Variants in MAP7D2 observed in about 807,000 individuals in gnomAD.
The protein encoded by MAP7D2 is MAP7 domain-containing protein 2.
MAP7D2 carries 33 observed loss-of-function variants against 63.5 expected under a neutral mutation model. The ratio of observed to expected loss-of-function variants is 0.52; its 90% confidence interval spans 0.39 to 0.70. The LOEUF (loss-of-function observed/expected upper bound fraction) is 0.70. MAP7D2 is among the 30% of genes least tolerant of loss of function. The probability of loss-of-function intolerance (pLI) is 0.00; values close to 1 mark genes in which losing one functional copy is unlikely to be tolerated. For missense variants in MAP7D2, 626 were observed against 604.0 expected (o/e 1.04, Z -0.38); for synonymous variants, 224 against 223.7 (o/e 1.00, Z -0.01).
chrX:20,014,334 G>C (rs1042879412), intron 12 of MAP7D2, among the ~76,000 whole-genome samples: 1 of 112,245 alleles, frequency 8.9e-6, no homozygotes, highest in Non-Finnish European at 1.9e-5. Flanking sequence ...TTGGAAGGCC[G>C]AGGCAGGAGG....
rs1332097040 is a variant in MAP7D2 at position 20,047,491 on chromosome X, G to A, written c.719-2967C>T. ...TAAAAAGATTCATACAGCAACTGAT[G>A]GAGGAGGCCACCTGGCTGCCTCAAA... On this transcript the variant is annotated intron_variant, in intron 6 of 16. Transcript: ENST00000379643. Among the ~76,000 whole-genome samples the A allele has an allele frequency of 2.7e-5, 3 of 110,837 alleles. No homozygotes were observed. In the Admixed American group the frequency reaches 2.9e-4, roughly 11 times the overall value.
intron 1 of MAP7D2, among the ~76,000 whole-genome samples, chrX:20,116,023 T>A (rs2066882450): frequency 8.9e-6 from 1 of 112,734 alleles, no homozygotes; most frequent in Admixed American, 9.3e-5. Flanking sequence ...GTCCTCACAG[T>A]CTCCTCCGCT....
chrX:20,027,678 G>A (rs1325857736), intron 8 of MAP7D2, among the ~76,000 whole-genome samples: 12 of 108,442 alleles, frequency 1.1e-4, no homozygotes, highest in Admixed American at 9.0e-4. Context: ...GGGGTAGGGC[G>A]GGGAGGGAGA....
At chrX:20,082,652 G>A (rs770381593) in intron 1 of MAP7D2, among the ~76,000 whole-genome samples, 7 of 111,634 alleles carry the variant, frequency 6.3e-5, no homozygotes, top group Non-Finnish European at 1.3e-4. Flanking sequence ...TTTTTGAGAC[G>A]GAGTCTCGCA....
At chrX:20,103,469 T>A (rs1387804405) in intron 1 of MAP7D2, among the ~76,000 whole-genome samples, 2 of 111,305 alleles carry the variant, frequency 1.8e-5, no homozygotes, top group African/African-American at 6.5e-5. Flanking sequence ...CTGTTCTTGG[T>A]GGCCTACCAG....
intron 1 of MAP7D2, chrX:20,116,452 C>G (rs1449948545): frequency 1.9e-6 from 1 of 525,433 alleles, no homozygotes; most frequent in Non-Finnish European, 2.4e-6. Context: ...GGACTGGACC[C>G]GCAGCACCCC....
intron 1 of MAP7D2, among the ~76,000 whole-genome samples, chrX:20,090,842 C>T (rs1046525174): frequency 5.4e-5 from 6 of 110,774 alleles, no homozygotes; most frequent in East Asian, 5.7e-4. Context: ...CATGGTGGCA[C>T]GTGACTATGG....
intron 10 of MAP7D2, among the ~76,000 whole-genome samples, chrX:20,023,631 C>T (rs190761096): frequency 2.7e-5 from 3 of 112,140 alleles, no homozygotes; most frequent in Non-Finnish European, 3.8e-5. Flanking sequence ...GAGATACAGA[C>T]GGTGGTAGCT....
At chrX:20,056,826 T>C (rs1169521859) in intron 3 of MAP7D2, 35 bp from the exon 4 acceptor site, 1 of 1,145,025 alleles carries the variant, frequency 8.7e-7, no homozygotes, top group Admixed American at 2.2e-5. Context: ...GTTAACAAGA[T>C]TAACTACCCA....
chrX:20,062,317 A>T (rs1339017045), intron 3 of MAP7D2, among the ~76,000 whole-genome samples: 1 of 111,418 alleles, frequency 9.0e-6, no homozygotes, highest in Non-Finnish European at 1.9e-5. Context: ...TTGAACTGGG[A>T]GCAGATGAAG....
intron 10 of MAP7D2, among the ~76,000 whole-genome samples, chrX:20,023,081 G>C (rs2073711892): frequency 8.9e-6 from 1 of 112,449 alleles, no homozygotes; most frequent in African/African-American, 3.2e-5. Context: ...GGAGTCATCA[G>C]TACACATGTG....
chrX:20,054,594 C>CT (rs1351535734), intron 4 of MAP7D2, among the ~76,000 whole-genome samples: 16 of 108,644 alleles, frequency 1.5e-4, no homozygotes, highest in South Asian at 4.0e-4. Flanking sequence ...TTTCTTTTTT[C>CT]TTTTTTTTTC....
At position 20,025,911 on chromosome X, in the gene MAP7D2, T is replaced by G; in HGVS notation, c.1049A>C (p.Lys350Thr). The change falls in exon 9 of 17, where the codon AAA (lysine) becomes ACA (threonine). Residue 350 changes from lysine (K) to threonine (T), a missense_variant. Transcript: ENST00000379643. ...CACAGGAGACCCTGGGTAGGGAGGT[T>G]TCGTTGTCTTTGGAGACTGTGGATA... ...KAYPQSPKTT[K>T]PPYPGSPVKY... 4 of 1,211,254 alleles carry G rather than the reference T, an allele frequency of 3.3e-6. No individual in the cohort carries two copies. Among genetic ancestry groups the G allele is most frequent in the Non-Finnish European group, 4.5e-6 (4 of 895,390 alleles).
In MAP7D2 at chrX:20,007,993, T is replaced by C. The variant is rs979513706; in HGVS notation, c.*432A>G. 3.6e-5 allele frequency: 4 copies of C among 112,031 alleles called. No homozygotes were observed. Among genetic ancestry groups the C allele is most frequent in the Non-Finnish European group, 7.5e-5 (4 of 53,239 alleles). 9.2% of individuals were successfully genotyped at this position (112,031 alleles called of 1,213,427 possible). A position where few individuals can be genotyped will look rare whatever the true frequency, so the allele number is the denominator to read the frequency against. On this transcript the variant is annotated 3_prime_UTR_variant, in exon 17 of 17. Coordinates refer to ENST00000379643, the MANE Select transcript of MAP7D2 (RefSeq NM_001168465.2). ...GGAGATATACAGTGCAAGTTGAGTA[T>C]ATGTTGAACTAGAGTTTGGGTAAAT...
intron 1 of MAP7D2, among the ~76,000 whole-genome samples, chrX:20,104,071 A>C (rs1413113155): frequency 1.8e-5 from 2 of 111,719 alleles, no homozygotes; most frequent in Non-Finnish European, 3.8e-5. Flanking sequence ...CATTTTCCTC[A>C]CTTAATTGTT....
At chrX:20,083,198 T>C (rs2065820305) in intron 1 of MAP7D2, among the ~76,000 whole-genome samples, 1 of 112,542 alleles carries the variant, frequency 8.9e-6, no homozygotes, top group Non-Finnish European at 1.9e-5. Context: ...CTACAGATTA[T>C]GATACAAAAG....
At chrX:20,037,533 C>T (rs1295826182) in intron 8 of MAP7D2, among the ~76,000 whole-genome samples, 2 of 111,821 alleles carry the variant, frequency 1.8e-5, no homozygotes, top group Non-Finnish European at 3.8e-5. Flanking sequence ...TGGACAGCTA[C>T]GGCACTACAG....
Position 20,050,862 on chromosome X carries a change from C to A in MAP7D2, c.680G>T (p.Arg227Ile). ...CTGCCCAGAGAGCATGACTGAAGCT[C>A]TGCTTCTGGCTAAAGAAGACTGTGT... ...TPTQSSLARS[R>I]ASVMLSGQAN... Residue 227 changes from arginine (R) to isoleucine (I), a missense_variant, in exon 6 of 17, where the codon AGA (arginine) becomes ATA (isoleucine). Arg to Ile is a moderately conservative substitution (Grantham distance 97). Transcript: ENST00000379643. The A allele has an allele frequency of 1.7e-6, 2 of 1,190,890 alleles. No individual in the cohort carries two copies. The highest frequency in any genetic ancestry group is 2.3e-6 in the Non-Finnish European group (2 of 884,513).
chrX:20,011,221 T>C (rs2059821406), intron 15 of MAP7D2, among the ~76,000 whole-genome samples, 169 bp from the exon 16 acceptor site: 1 of 111,742 alleles, frequency 8.9e-6, no homozygotes, highest in Non-Finnish European at 1.9e-5. Flanking sequence ...TGGGCTCAAA[T>C]CTGAGGAGGA....
Sources: allele counts gnomAD v4.1 joint callset (sites outside exome capture counted in the v4.1 genomes callset), GRCh38; gene constraint gnomAD v4.1.1; transcripts MANE v1.5; gene names NCBI Gene and HGNC (gene_info 2026-07-23, HGNC 2026-07-21).